ASTN1: variants seen among roughly 807,000 people sequenced by gnomAD.
ASTN1 encodes astrotactin-1.
ASTN1 carries 41 observed loss-of-function variants against 140.7 expected under a neutral mutation model. The ratio of observed to expected loss-of-function variants is 0.29; its 90% CI spans 0.23 to 0.38. The LOEUF (loss-of-function observed/expected upper bound fraction) is 0.38. Ranked by LOEUF, ASTN1 falls within the 10% of genes least tolerant of loss-of-function variation. The pLI, the probability that ASTN1 is intolerant of heterozygous loss-of-function variation, is 1.00. For synonymous variants in ASTN1, 640 were observed against 652.2 expected, an observed-to-expected ratio of 0.98 and a Z score of 0.29; for missense variants, 1,479 against 1,678.8, an observed-to-expected ratio of 0.88 and a Z score of 2.08.
At chr1:176,870,342 C>T (rs1179839753) in intron 21 of ASTN1, among the ~76,000 whole-genome samples, 1 of 152,216 alleles carries the variant, frequency 6.6e-6, no homozygotes, top group Non-Finnish European at 1.5e-5. Flanking sequence ...GATTCCTGGT[C>T]AAACTTCCAA....
chr1:177,155,166 T>G (rs373270278), intron 1 of ASTN1, among the ~76,000 whole-genome samples: 221 of 152,200 alleles, frequency 1.5e-3, no homozygotes, highest in African/African-American at 5.0e-3. Flanking sequence ...CAAAACTACA[T>G]TGATGGTAAA....
At chr1:176,888,019 C>A in intron 18 of ASTN1, 52 bp downstream of exon 18, 3 of 1,607,854 alleles carry the variant, frequency 1.9e-6, no homozygotes, top group South Asian at 2.2e-5. Flanking sequence ...AAATAGTAGA[C>A]GCTCATTATC....
At chr1:177,107,060 C>T (rs1330948457) in intron 1 of ASTN1, among the ~76,000 whole-genome samples, 2 of 152,244 alleles carry the variant, frequency 1.3e-5, no homozygotes, top group Non-Finnish European at 1.5e-5. Context: ...GGCAGTTTAT[C>T]TAAAGACCAT....
intron 1 of ASTN1, among the ~76,000 whole-genome samples, chr1:177,078,673 T>C (rs996675161): frequency 6.6e-6 from 1 of 152,160 alleles, no homozygotes; most frequent in Non-Finnish European, 1.5e-5. Context: ...TTTTTCAGTC[T>C]GCAAAATGGG....
intron 21 of ASTN1, among the ~76,000 whole-genome samples, chr1:176,871,754 A>T (rs1309927029): frequency 2.0e-5 from 3 of 152,248 alleles, no homozygotes; most frequent in African/African-American, 7.2e-5. Flanking sequence ...TCTTCATAGC[A>T]TCTCAAGAAT....
intron 11 of ASTN1, among the ~76,000 whole-genome samples, chr1:176,953,765 C>T (rs141168644): frequency 1.3e-5 from 2 of 152,244 alleles, no homozygotes; most frequent in East Asian, 1.9e-4. Context: ...GAGCATAATG[C>T]TCTGGCAAGG....
At chr1:177,089,598 G>A (rs12747882) in intron 1 of ASTN1, among the ~76,000 whole-genome samples, 69,807 of 151,786 alleles carry the variant, frequency 0.46, 17,520 homozygotes, top group Non-Finnish European at 0.57. Context: ...CCTTTCTCTC[G>A]CACACCCACT....
intron 1 of ASTN1, among the ~76,000 whole-genome samples, chr1:177,155,555 T>A (rs1377950982): frequency 6.6e-6 from 1 of 152,164 alleles, no homozygotes; most frequent in Non-Finnish European, 1.5e-5. Flanking sequence ...CTACAACTAA[T>A]AAAGTTGTTC....
rs193185404 is a variant in ASTN1 at position 177,102,258 on chromosome 1, G to T, written c.284-40993C>A. ...GTTAAGTATTATAAGTCAATACAGG[G>T]TTAAACATTTATATAACCTTCACAA... is the stretch of plus-strand genomic sequence containing the variant. On this transcript the variant is annotated intron_variant, in intron 1 of 22. Coordinates refer to ENST00000361833, the MANE Select transcript of ASTN1 (RefSeq NM_004319.3). Among the ~76,000 whole-genome samples the T allele has an allele frequency of 2.6e-4, 40 of 152,286 alleles. No homozygotes were observed. The East Asian group carries it at 7.0e-3, about 26-fold the overall frequency.
At chr1:176,955,984 T>A (rs1048620161) in intron 11 of ASTN1, among the ~76,000 whole-genome samples, 3 of 152,226 alleles carry the variant, frequency 2.0e-5, no homozygotes, top group Admixed American at 6.5e-5. Context: ...TAGCTTTTTT[T>A]AAAAGTGTCT....
chr1:176,865,713 A>C (rs1361976796), intron 22 of ASTN1, among the ~76,000 whole-genome samples: 1 of 152,194 alleles, frequency 6.6e-6, no homozygotes, highest in Admixed American at 6.5e-5. Flanking sequence ...AACAATTTGT[A>C]TTAGTCCGTT....
chr1:176,980,515 G>C (rs1333715782), intron 8 of ASTN1, among the ~76,000 whole-genome samples: 1 of 152,148 alleles, frequency 6.6e-6, no homozygotes, highest in Non-Finnish European at 1.5e-5. Context: ...GACACACACA[G>C]AAAACCAATG....
Position 177,164,705 on chromosome 1 carries a change from G to T in ASTN1, c.-29C>A, listed in dbSNP as rs1231625494. On this transcript the variant is annotated 5_prime_UTR_variant, in exon 1 of 23. Coordinates refer to ENST00000361833, the MANE Select transcript of ASTN1 (RefSeq NM_004319.3). The stretch of plus-strand genomic sequence containing the variant: ...GAGCCCCGGCCGCCTTCCTCCTAGC[G>T]CTGCGATGGTGGGGGAGGAAGCGAG... The T allele has an allele frequency of 1.3e-6, 2 of 1,518,346 alleles. No homozygotes were observed. The highest frequency in any genetic ancestry group is 1.4e-5 in the African/African-American group (1 of 71,520). 94.1% of individuals were successfully genotyped at this position (1,518,346 alleles called of 1,614,324 possible).
chr1:177,162,410 G>A (rs1647433554), intron 1 of ASTN1, among the ~76,000 whole-genome samples: 1 of 152,174 alleles, frequency 6.6e-6, no homozygotes, highest in South Asian at 2.1e-4. Context: ...GAGAGAGTGT[G>A]TCTGTGTGCC....
At chr1:176,992,027 G>A (rs1448306912) in intron 8 of ASTN1, among the ~76,000 whole-genome samples, 1 of 152,114 alleles carries the variant, frequency 6.6e-6, no homozygotes, top group East Asian at 1.9e-4. Flanking sequence ...AAATGTATTA[G>A]TAGATAATAG....
chr1:177,129,403 A>C (rs1006040358), intron 1 of ASTN1, among the ~76,000 whole-genome samples: 4 of 152,184 alleles, frequency 2.6e-5, no homozygotes, highest in African/African-American at 9.6e-5. Context: ...GTAGGTCGCA[A>C]GGAACCCACC....
intron 2 of ASTN1, 58 bp from the exon 3 acceptor site, chr1:177,032,907 A>G: frequency 1.3e-6 from 2 of 1,493,946 alleles, no homozygotes; most frequent in Non-Finnish European, 1.8e-6. Flanking sequence ...TCCCACAAAG[A>G]GTCACTGCTC....
At chr1:176,937,927 C>A (rs919039117) in intron 14 of ASTN1, among the ~76,000 whole-genome samples, 4 of 152,078 alleles carry the variant, frequency 2.6e-5, no homozygotes, top group Non-Finnish European at 5.9e-5. Context: ...TGCTTGTCAA[C>A]CCTGATCAAA....
intron 19 of ASTN1, 120 bp from the exon 20 acceptor site, chr1:176,883,114 T>C: frequency 2.9e-6 from 4 of 1,366,472 alleles, no homozygotes; most frequent in Non-Finnish European, 3.0e-6. Flanking sequence ...ATCTCTAGAG[T>C]AGAGAAGGAG....
Sources: gnomAD v4.1 joint callset for allele counts (sites outside exome capture counted in the v4.1 genomes callset) on GRCh38, gnomAD v4.1.1 for gene constraint, MANE v1.5 for transcripts, NCBI Gene and HGNC (gene_info 2026-07-23, HGNC 2026-07-21) for gene names.